Variants in SLC18B1 observed in about 807,000 individuals in gnomAD.
SLC18B1 encodes solute carrier family 18 member B1.
Under a neutral mutation model 53.9 loss-of-function variants are expected in SLC18B1, and 62 were observed. That is an observed-to-expected ratio of 1.15 (90% CI 0.94 to 1.42). The LOEUF (loss-of-function observed/expected upper bound fraction) is 1.42, where lower values mean the gene tolerates loss of function less well. Ranked by LOEUF, SLC18B1 falls within the 40% of genes most tolerant of loss-of-function variation. The probability of loss-of-function intolerance (pLI) is 0.00; values close to 1 mark genes in which losing one functional copy is unlikely to be tolerated. For missense variants in SLC18B1, 598 were observed against 547.3 expected (o/e 1.09, Z -0.93); for synonymous variants, 217 against 200.9 (o/e 1.08, Z -0.68).
At chr6:132,789,979 G>A (rs896868640) in intron 3 of SLC18B1, 142 bp from the exon 4 acceptor site, 1 of 671,174 alleles carries the variant, frequency 1.5e-6, no homozygotes. Context: ...TTAATATGGT[G>A]ACAGTACTCA....
At chr6:132,777,182 G>C (rs780578586) in intron 7 of SLC18B1, among the ~76,000 whole-genome samples, 4 of 151,862 alleles carry the variant, frequency 2.6e-5, no homozygotes, top group Non-Finnish European at 5.9e-5. Context: ...CAGAGGCTAC[G>C]GTGAGCCAAG....
chr6:132,774,937 A>G (rs1422507923), intron 8 of SLC18B1, among the ~76,000 whole-genome samples: 1 of 152,104 alleles, frequency 6.6e-6, no homozygotes, highest in Non-Finnish European at 1.5e-5. Flanking sequence ...CACAAAAAAA[A>G]CCCACCAAGT....
intron 2 of SLC18B1, among the ~76,000 whole-genome samples, chr6:132,795,918 G>A (rs953961064): frequency 6.6e-6 from 1 of 152,188 alleles, no homozygotes; most frequent in Non-Finnish European, 1.5e-5. Flanking sequence ...GAGGGAATAT[G>A]GAGCGGGGCC....
intron 13 of SLC18B1, 27 bp downstream of exon 13, chr6:132,770,863 G>GA (rs772317197): frequency 7.6e-6 from 12 of 1,588,384 alleles, no homozygotes; most frequent in Admixed American, 3.9e-5. Context: ...TTTAAAGAGA[G>GA]AAAAAAAGCC....
chr6:132,781,442 T>A (rs569252441), intron 6 of SLC18B1, among the ~76,000 whole-genome samples: 5 of 151,970 alleles, frequency 3.3e-5, no homozygotes, highest in Admixed American at 6.6e-5. Context: ...TCTAGTCCAG[T>A]GATCGAGAAG....
intron 11 of SLC18B1, among the ~76,000 whole-genome samples, chr6:132,771,854 G>A (rs1426401486): frequency 6.6e-6 from 1 of 152,172 alleles, no homozygotes; most frequent in Non-Finnish European, 1.5e-5. Flanking sequence ...CACTTTGGGA[G>A]GCCAAGGCGG....
rs781169490 is a variant in SLC18B1 at position 132,776,386 on chromosome 6, A to G, written c.839T>C (p.Met280Thr). The change falls in exon 8 of 14, where the codon ATG becomes ACG. Residue 280 changes from methionine to threonine, a missense_variant. Physicochemically the swap from Met to Thr is moderately conservative, Grantham distance 81 (BLOSUM62 -1). Coordinates refer to ENST00000275227, the MANE Select transcript of SLC18B1 (RefSeq NM_052831.3). ...AGYVGLVFLG[M>T]ALSYAISSPL... ...TGAAGAGATGGCATAGGACAGTGCC[A>G]TACCCAGGAATACTAGTCCCACATA... is the stretch of plus-strand genomic sequence containing the variant. 2.5e-6 allele frequency: 4 copies of G among 1,613,622 alleles called. No homozygotes were observed. Among genetic ancestry groups the G allele is most frequent in the Non-Finnish European group, 3.4e-6 (4 of 1,179,812 alleles).
In SLC18B1 at chr6:132,787,624, C is replaced by CTT. The variant is rs5880140; in HGVS notation, c.354-45_354-44dup. 2,509 of 1,207,616 alleles carry CTT rather than the reference C, an allele frequency of 2.1e-3. 1 individual carries two copies. Among genetic ancestry groups the CTT allele is most frequent in the African/African-American group, 9.6e-3 (569 of 59,116 alleles). 74.8% of individuals were successfully genotyped at this position (1,207,616 alleles called of 1,614,324 possible). On this transcript the variant is annotated intron_variant, in intron 4 of 13. Transcript: ENST00000275227. ...AATTCTGAAATGCCAAGCTGGTTTT[C>CTT]TTTTTTTTTTTTTCCTTTTTAACTG...
At chr6:132,787,398 T>A in intron 5 of SLC18B1, 36 bp downstream of exon 5, 2 of 1,505,514 alleles carry the variant, frequency 1.3e-6, no homozygotes, top group Non-Finnish European at 1.8e-6. Flanking sequence ...TGGCCTACAC[T>A]CAAAGGAAAG....
At chr6:132,770,679 T>G (rs1780947025) in intron 13 of SLC18B1, among the ~76,000 whole-genome samples, 2 of 152,104 alleles carry the variant, frequency 1.3e-5, no homozygotes, top group Non-Finnish European at 2.9e-5. Flanking sequence ...GAAGTTGCAG[T>G]GAGCTGAGAT....
At chr6:132,782,540 C>T (rs935299250) in intron 6 of SLC18B1, among the ~76,000 whole-genome samples, 1 of 151,734 alleles carries the variant, frequency 6.6e-6, no homozygotes, top group African/African-American at 2.4e-5. Context: ...TTGACATGTC[C>T]ATGACTCTAT....
intron 1 of SLC18B1, among the ~76,000 whole-genome samples, 197 bp from the exon 2 acceptor site, chr6:132,797,318 G>A (rs146544178): frequency 1.2e-4 from 18 of 152,334 alleles, no homozygotes; most frequent in African/African-American, 4.3e-4. Context: ...TACTGCTTTC[G>A]GCTGGGCACG....
chr6:132,775,558 T>C (rs1781078678), intron 8 of SLC18B1, among the ~76,000 whole-genome samples: 1 of 152,134 alleles, frequency 6.6e-6, no homozygotes. Flanking sequence ...GCAAATGAAA[T>C]CAAGGGAAAT....
At chr6:132,777,486 G>T (rs990715993) in intron 7 of SLC18B1, among the ~76,000 whole-genome samples, 1 of 152,194 alleles carries the variant, frequency 6.6e-6, no homozygotes, top group Non-Finnish European at 1.5e-5. Flanking sequence ...GGCCGAGGTG[G>T]GCAGATCATG....
chr6:132,774,419 C>T, intron 8 of SLC18B1, 106 bp from the exon 9 acceptor site: 1 of 800,840 alleles, frequency 1.2e-6, no homozygotes, highest in Non-Finnish European at 2.0e-6. Flanking sequence ...TATTCAAAAA[C>T]CCAAATACAA....
intron 6 of SLC18B1, among the ~76,000 whole-genome samples, chr6:132,780,492 T>G (rs1454335663): frequency 6.6e-6 from 1 of 151,896 alleles, no homozygotes; most frequent in East Asian, 1.9e-4. Context: ...TCATGCAGTG[T>G]GGTTCAGCTA....
chr6:132,770,808 A>G (rs1582851059), intron 13 of SLC18B1, 82 bp downstream of exon 13: 2 of 1,315,540 alleles, frequency 1.5e-6, no homozygotes, highest in East Asian at 4.6e-5. Flanking sequence ...TGACTGGAAG[A>G]ATAAATGTAA....
rs113118277 is a variant in SLC18B1 at position 132,781,426 on chromosome 6, A to C, written c.659-2022T>G. Among the ~76,000 whole-genome samples, 433 of 152,092 alleles carry C rather than the reference A, an allele frequency of 2.8e-3. 7 individuals carry two copies. The highest frequency in any genetic ancestry group is 0.01 in the African/African-American group (415 of 41,484). On this transcript the variant is annotated intron_variant, in intron 6 of 13. Transcript: ENST00000275227. ...TACTGACCACTATGGCACTACTTAC[A>C]CAAAATCTAGTCCAGTGATCGAGAA...
In SLC18B1 at chr6:132,783,961, T is replaced by C. The variant is rs1781302621; in HGVS notation, c.630A>G (p.Pro210=). The change falls in exon 6 of 14, where the codon CCA becomes CCG. Residue 210 remains proline, a synonymous_variant. Coordinates refer to ENST00000275227, the MANE Select transcript of SLC18B1 (RefSeq NM_052831.3). ...AATTGGGTAAAATATACATATTGAG[T>C]GGTACCATCAGCAAAACGACGCATC... is the stretch of plus-strand genomic sequence containing the variant. ...VLGCVVLLMV[P]LNMYILPNYE... 6.2e-7 allele frequency: 1 copy of C among 1,604,002 alleles called. No individual in the cohort carries two copies. Among genetic ancestry groups the C allele is most frequent in the Non-Finnish European group, 8.5e-7 (1 of 1,176,268 alleles).
Sources: gnomAD v4.1 joint callset for allele counts (sites outside exome capture counted in the v4.1 genomes callset) on GRCh38, gnomAD v4.1.1 for gene constraint, MANE v1.5 for transcripts, NCBI Gene and HGNC (gene_info 2026-07-23, HGNC 2026-07-21) for gene names.